The following SALL4 variants were observed in gnomAD, a reference collection of about 807,000 sequenced individuals.
The protein encoded by SALL4 is spalt like transcription factor 4.
SALL4 carries 4 observed loss-of-function variants against 60.8 expected under a neutral mutation model. That is an observed-to-expected ratio of 0.07 (90% CI 0.03 to 0.15). SALL4 has a LOEUF of 0.15. Ranked by LOEUF, SALL4 falls within the 10% of genes least tolerant of loss-of-function variation. The probability of loss-of-function intolerance (pLI) is 1.00; values close to 1 mark genes in which losing one functional copy is unlikely to be tolerated. For synonymous variants in SALL4, 580 were observed against 574.9 expected (o/e 1.01, Z -0.13); for missense variants, 1,178 against 1,394.7 (o/e 0.84, Z 2.48).
intron 1 of SALL4, chr20:51,792,951 G>A (rs1601172961): frequency 3.0e-6 from 3 of 993,600 alleles, no homozygotes; most frequent in African/African-American, 3.5e-5. Context: ...ACAAAGACAG[G>A]CATATCTCAG....
intron 1 of SALL4, among the ~76,000 whole-genome samples, chr20:51,794,775 G>T (rs1056871344): frequency 2.6e-5 from 4 of 152,126 alleles, no homozygotes; most frequent in Non-Finnish European, 5.9e-5. Context: ...CAGAGGACAT[G>T]AACTTGCCCA....
rs1299914322 is a variant in SALL4 at position 51,791,461 on chromosome 20, G to A, written c.1022C>T (p.Ser341Leu). ...GGAGAAAGGGCTCTGGAAGAGCACC[G>A]AGCCCGGGGCCTGAGGAAGCAAAGC... ...PSALLPQAPGSVLFQSPFSTV... is the reference protein window; with the variant it reads ...PSALLPQAPGLVLFQSPFSTV... The change falls in exon 2 of 4, where the codon TCG (serine) becomes TTG (leucine). Residue 341 changes from serine to leucine, a missense_variant. Transcript: ENST00000217086. The surrounding 1 kb of genome is among the most constrained non-coding windows in gnomAD (Gnocchi z 4.6). The A allele has an allele frequency of 4.3e-6, 7 of 1,614,148 alleles. No homozygotes were observed. The highest frequency in any genetic ancestry group is 2.2e-5 in the East Asian group (1 of 44,884).
intron 1 of SALL4, chr20:51,792,972 T>C: frequency 5.0e-6 from 5 of 991,278 alleles, no homozygotes; most frequent in Non-Finnish European, 6.0e-6. Flanking sequence ...ACCCAGCAGC[T>C]AAGCCTATAA....
chr20:51,802,194 C>G, intron 1 of SALL4, 85 bp downstream of exon 1: 1 of 1,470,190 alleles, frequency 6.8e-7, no homozygotes, highest in Non-Finnish European at 9.0e-7. Flanking sequence ...TGGACGCCGC[C>G]CGCTCCCCGA....
intron 1 of SALL4, chr20:51,792,710 G>C: frequency 2.3e-6 from 1 of 432,606 alleles, no homozygotes; most frequent in Non-Finnish European, 3.0e-6. Flanking sequence ...AAAAAAAAAA[G>C]GCAAAAAGGC....
Position 51,788,615 on chromosome 20 carries a change from C to A in SALL4, c.2742+246G>T, listed in dbSNP as rs948037595. The stretch of plus-strand genomic sequence containing the variant: ...CTGAGGCAGGAGAATGGCATGAACC[C>A]GGGAGGAGGAGCTTGCAGTGAGCTT... On this transcript the variant is annotated intron_variant, in intron 3 of 3. Coordinates refer to ENST00000217086, the MANE Select transcript of SALL4 (RefSeq NM_020436.5). This position sits in a 1 kb window ranked among gnomAD's most constrained non-coding sequence, Gnocchi z 4.1. 1.3e-5 allele frequency among the ~76,000 whole-genome samples: 2 copies of A among 152,100 alleles called. No individual in the cohort carries two copies. Among genetic ancestry groups the A allele is most frequent in the East Asian group, 3.9e-4 (2 of 5,186 alleles).
chr20:51,791,575 G>C lies in SALL4; in HGVS notation c.908C>G (p.Thr303Ser). 1 of 1,613,680 alleles carries C rather than the reference G, an allele frequency of 6.2e-7. No individual in the cohort carries two copies. Residue 303 changes from threonine to serine, a missense_variant, in exon 2 of 4, where the codon ACC (threonine) becomes AGC (serine). Physicochemically the swap from Thr to Ser is moderately conservative, Grantham distance 58. Transcript: ENST00000217086. This position sits in a 1 kb window ranked among gnomAD's most constrained non-coding sequence, Gnocchi z 4.6. ...TGCCAGCCCTGGGGACAGGGAGCTGGTGGCAGAAGGGATGTTGGCGTGAGG... is the reference window on the plus strand; with the variant it reads ...TGCCAGCCCTGGGGACAGGGAGCTGCTGGCAGAAGGGATGTTGGCGTGAGG... ...KLPHANIPSA[T>S]SSLSPGLAPF... is the part of the protein sequence containing the mutation.
rs982293923 is a variant in SALL4, at chr20:51,782,577, G to A, written c.*1688C>T. 7.0e-6 allele frequency: 1 copy of A among 143,232 alleles called. No homozygotes were observed. Among genetic ancestry groups the A allele is most frequent in the African/African-American group, 2.7e-5 (1 of 36,910 alleles). The allele number at this position is 143,232 out of a possible 1,614,324, so 8.9% of individuals were successfully genotyped here. A position where few individuals can be genotyped will look rare whatever the true frequency, so the allele number is the denominator to read the frequency against. ...AAAAAAAAAAAAAAAAAAAAAAAGGGGGGCGGAATCCTAAAGTCAGGTGCA... is the reference window on the plus strand; with the variant it reads ...AAAAAAAAAAAAAAAAAAAAAAAGGAGGGCGGAATCCTAAAGTCAGGTGCA... On this transcript the variant is annotated 3_prime_UTR_variant, in exon 4 of 4. Transcript: ENST00000217086.
chr20:51,802,052 G>A (rs1291689471), intron 1 of SALL4, among the ~76,000 whole-genome samples: 1 of 151,878 alleles, frequency 6.6e-6, no homozygotes, highest in African/African-American at 2.4e-5. Context: ...GGAGAAAGCT[G>A]GGGGTGAAAC....
Position 51,790,442 on chromosome 20 carries a change from C to T in SALL4, c.2041G>A (p.Ala681Thr), listed in dbSNP as rs147385529. ...TCGATGACATCATCATGGCAGATAG[C>T]GCCGGTGCTGCCGTTCTCACCCACG... ...MTVGENGSTG[A>T]ICHDDVIESI... Residue 681 changes from alanine to threonine, a missense_variant, in exon 2 of 4, where the codon GCT becomes ACT. Ala to Thr is a moderately conservative substitution (Grantham distance 58). This residue lies in a region of SALL4 where 853 missense variants were observed against 1,036.8 expected (regional missense o/e 0.82). Transcript: ENST00000217086. This position sits in a 1 kb window ranked among gnomAD's most constrained non-coding sequence, Gnocchi z 5.5. 1.0e-4 allele frequency: 167 copies of T among 1,614,096 alleles called. No homozygotes were observed. In the African/African-American group the frequency reaches 1.7e-3, roughly 16 times the overall value.
Position 51,791,605 on chromosome 20 carries a change from T to C in SALL4, c.878A>G (p.Lys293Arg), listed in dbSNP as rs2078043080. Residue 293 changes from lysine to arginine, a missense_variant, in exon 2 of 4, where the codon AAG (lysine) becomes AGG (arginine). Physicochemically the swap from Lys to Arg is conservative, Grantham distance 26 (BLOSUM62 2). Coordinates refer to ENST00000217086, the MANE Select transcript of SALL4 (RefSeq NM_020436.5). The surrounding 1 kb of genome is among the most constrained non-coding windows in gnomAD (Gnocchi z 4.6). ...AGAAGGGATGTTGGCGTGAGGTAGC[T>C]TGGCTTGTTTCAAGGCATCCAGAGA... is the stretch of plus-strand genomic sequence containing the variant. ...GLSLDALKQAKLPHANIPSAT... is the reference protein window; with the variant it reads ...GLSLDALKQARLPHANIPSAT... 1 of 1,613,650 alleles carries C rather than the reference T, an allele frequency of 6.2e-7. No homozygotes were observed. Among genetic ancestry groups the C allele is most frequent in the South Asian group, 1.1e-5 (1 of 91,082 alleles).
At position 51,802,290 on chromosome 20, in the gene SALL4, G is replaced by T. The variant is rs201955525; in HGVS notation, c.119C>A (p.Ala40Glu). 2 of 1,604,712 alleles carry T rather than the reference G, an allele frequency of 1.2e-6. No individual in the cohort carries two copies. The highest frequency in any genetic ancestry group is 1.3e-5 in the African/African-American group (1 of 74,694). ...FADAAPAAPAAGELGAPVNHP... is the reference protein window; with the variant it reads ...FADAAPAAPAEGELGAPVNHP... ...CCAGCCCCACTCACCCAGCTCCCCC[G>T]CCGCGGGCGCCGCTGGGGCCGCATC... The change falls in exon 1 of 4, where the codon GCG (alanine) becomes GAG (glutamate). Residue 40 changes from alanine to glutamate, a missense_variant. Around this residue, in one of 5 missense-constraint regions of SALL4, gnomAD observed 108 missense variants for 95.7 expected, o/e 1.13. Coordinates refer to ENST00000217086, the MANE Select transcript of SALL4 (RefSeq NM_020436.5).
chr20:51,788,828 C>A lies in SALL4; in HGVS notation c.2742+33G>T, dbSNP rs763521911. 6.2e-7 allele frequency: 1 copy of A among 1,611,746 alleles called. No individual in the cohort carries two copies. Among genetic ancestry groups the A allele is most frequent in the Non-Finnish European group, 8.5e-7 (1 of 1,179,920 alleles). ...CAATAAGAAGACACCTGGTGCCTAG[C>A]CCCCATCCTGCTGAAAGCCCACACA... On this transcript the variant is annotated intron_variant, in intron 3 of 3. Transcript: ENST00000217086. The surrounding 1 kb of genome is among the most constrained non-coding windows in gnomAD (Gnocchi z 4.1).
At chr20:51,794,426 GC>G (rs766791849) in intron 1 of SALL4, among the ~76,000 whole-genome samples, 1 of 152,146 alleles carries the variant, frequency 6.6e-6, no homozygotes, top group Non-Finnish European at 1.5e-5. Context: ...GGTGGCGCAT[GC>G]CTAATCCCAG....
chr20:51,790,586 T>G lies in SALL4; in HGVS notation c.1897A>C (p.Lys633Gln). The change falls in exon 2 of 4, where the codon AAG (lysine) becomes CAG (glutamine). Residue 633 changes from lysine (K) to glutamine (Q), a missense_variant. By Grantham distance (53) the Lys-to-Gln change is moderately conservative (BLOSUM62 1). Coordinates refer to ENST00000217086, the MANE Select transcript of SALL4 (RefSeq NM_020436.5). The surrounding 1 kb of genome is among the most constrained non-coding windows in gnomAD (Gnocchi z 5.5). ...KTQHSCPICQ[K>Q]KFTNAVMLQQ... ...AGCATCACGGCATTAGTGAACTTCT[T>G]CTGGCAGATGGGGCACGAATGCTGC... 6.2e-7 allele frequency: 1 copy of G among 1,614,168 alleles called. No homozygotes were observed.
At position 51,791,847 on chromosome 20, in the gene SALL4, C is replaced by T. The variant is rs750424449; in HGVS notation, c.636G>A (p.Pro212=). 2.5e-6 allele frequency: 4 copies of T among 1,614,142 alleles called. No individual in the cohort carries two copies. The highest frequency in any genetic ancestry group is 1.3e-5 in the African/African-American group (1 of 75,072). The change falls in exon 2 of 4, where the codon CCG becomes CCA. Residue 212 remains proline, a synonymous_variant. Transcript: ENST00000217086. The surrounding 1 kb of genome is among the most constrained non-coding windows in gnomAD (Gnocchi z 4.6). ...GACACAAGATCTGCTCGAGGACCCACGGGATGCTGTTGGCACCAGGCACGG... is the reference window on the plus strand; with the variant it reads ...GACACAAGATCTGCTCGAGGACCCATGGGATGCTGTTGGCACCAGGCACGG... ...PAPVPGANSI[P]WVLEQILCLQ... is the part of the protein sequence containing the mutation.
chr20:51,796,219 A>G (rs2078078864), intron 1 of SALL4, among the ~76,000 whole-genome samples: 1 of 148,228 alleles, frequency 6.7e-6, no homozygotes, highest in Admixed American at 6.7e-5. Flanking sequence ...AAAAAGAAAG[A>G]AAGAAAGAAA....
Position 51,791,470 on chromosome 20 carries a change from G to A in SALL4, c.1013C>T (p.Ala338Val). 2.5e-6 allele frequency: 4 copies of A among 1,614,166 alleles called. No homozygotes were observed. The highest frequency in any genetic ancestry group is 3.4e-6 in the Non-Finnish European group (4 of 1,180,008). Residue 338 changes from alanine (A) to valine (V), a missense_variant, in exon 2 of 4, where the codon GCC becomes GTC. Around this residue, in one of 5 missense-constraint regions of SALL4, gnomAD observed 853 missense variants for 1,036.8 expected, o/e 0.82. Coordinates refer to ENST00000217086, the MANE Select transcript of SALL4 (RefSeq NM_020436.5). This position sits in a 1 kb window ranked among gnomAD's most constrained non-coding sequence, Gnocchi z 4.6. ...GCTCTGGAAGAGCACCGAGCCCGGGGCCTGAGGAAGCAAAGCGCTCGGGAG... is the reference window on the plus strand; with the variant it reads ...GCTCTGGAAGAGCACCGAGCCCGGGACCTGAGGAAGCAAAGCGCTCGGGAG... ...SRLPSALLPQ[A>V]PGSVLFQSPF...
Position 51,790,089 on chromosome 20 carries a change from G to A in SALL4, c.2394C>T (p.Ile798=), listed in dbSNP as rs756865385. Residue 798 remains isoleucine, a synonymous_variant, in exon 2 of 4, where the codon ATC becomes ATT. Transcript: ENST00000217086. The surrounding 1 kb of genome is among the most constrained non-coding windows in gnomAD (Gnocchi z 5.5). ...TCCCAGCATCGGGAGACTTTGACTT[G>A]ATGCTTTCGGCTTGACTATTGGCCG... ...LSPANSQAES[I]KSKSPDAGSK... 1 of 1,614,196 alleles carries A rather than the reference G, an allele frequency of 6.2e-7. No homozygotes were observed. Among genetic ancestry groups the A allele is most frequent in the East Asian group, 2.2e-5 (1 of 44,884 alleles).
Sources: gnomAD v4.1 joint callset for allele counts (sites outside exome capture counted in the v4.1 genomes callset) on GRCh38, gnomAD v4.1.1 for gene constraint, gnomAD v4.1.1 regional missense constraint, Gnocchi (gnomAD v3.1) non-coding constraint, MANE v1.5 for transcripts, NCBI Gene and HGNC (gene_info 2026-07-23, HGNC 2026-07-21) for gene names.